The following PSMA2 variants were observed in gnomAD, a reference collection of about 807,000 sequenced individuals.
PSMA2 encodes proteasome 20S subunit alpha 2.
A neutral mutation model predicts 35.9 loss-of-function variants in PSMA2; 2 were observed. That is an observed-to-expected ratio of 0.06 (90% CI 0.02 to 0.18). The LOEUF (loss-of-function observed/expected upper bound fraction) is 0.18, where lower values mean the gene tolerates loss of function less well. Among genes scored for constraint, PSMA2 ranks in the 10% least tolerant of loss-of-function variants. The pLI is 1.00. For synonymous variants in PSMA2, 97 were observed against 98.2 expected (o/e 0.99, Z 0.07); for missense variants, 126 against 278.8 (o/e 0.45, Z 3.90).
Position 42,930,744 on chromosome 7 carries a change from T to C in PSMA2, c.41+1374A>G, listed in dbSNP as rs368385186. Among the ~76,000 whole-genome samples, 36 of 150,978 alleles carry C rather than the reference T, an allele frequency of 2.4e-4. 3 individuals carry two copies. Among genetic ancestry groups the C allele is most frequent in the Admixed American group, 1.8e-3 (28 of 15,144 alleles). ...TAGCAGGCAGGGTGGTGCACACCTC[T>C]AGTCCCAGCTACTCCAGAGACTGAG... is the stretch of plus-strand genomic sequence containing the variant. On this transcript the variant is annotated intron_variant, in intron 1 of 7. Coordinates refer to ENST00000223321, the MANE Select transcript of PSMA2 (RefSeq NM_002787.5).
At chr7:42,928,201 C>T (rs1269727039) in intron 1 of PSMA2, among the ~76,000 whole-genome samples, 1 of 152,180 alleles carries the variant, frequency 6.6e-6, no homozygotes, top group Admixed American at 6.5e-5. Flanking sequence ...CCGTCCCCTA[C>T]AAGTGTCCTG....
At position 42,917,422 on chromosome 7, in the gene PSMA2, A is replaced by T; in HGVS notation, c.*152T>A. The T allele has an allele frequency of 1.7e-6, 1 of 589,060 alleles. No individual in the cohort carries two copies. The highest frequency in any genetic ancestry group is 2.9e-6 in the Non-Finnish European group (1 of 341,172). 36.5% of individuals were successfully genotyped at this position (589,060 alleles called of 1,614,324 possible). On this transcript the variant is annotated 3_prime_UTR_variant, in exon 8 of 8. Coordinates refer to ENST00000223321, the MANE Select transcript of PSMA2 (RefSeq NM_002787.5). ...TAAAAGGCTGGAAGGTGGGTTTAAC[A>T]GTTTATTAGGATTTATAAGTGTCAT... is the stretch of plus-strand genomic sequence containing the variant.
chr7:42,921,019 C>A (rs591875), intron 6 of PSMA2: 128,869 of 152,090 alleles, frequency 0.85, 54,782 homozygotes, highest in South Asian at 0.91. Context: ...GGAAGAAGAA[C>A]TGAAGGAAGT....
At chr7:42,932,074 A>G in intron 1 of PSMA2, 44 bp downstream of exon 1, 1 of 1,613,074 alleles carries the variant, frequency 6.2e-7, no homozygotes, top group Non-Finnish European at 8.5e-7. Flanking sequence ...ACAGAGTACC[A>G]GCAACCTCGA....
At chr7:42,923,242 T>G in intron 5 of PSMA2, 83 bp downstream of exon 5, 1 of 1,059,354 alleles carries the variant, frequency 9.4e-7, no homozygotes, top group East Asian at 2.4e-5. Context: ...TGCTAAATTG[T>G]AAAGTTTTTA....
At chr7:42,922,635 T>C (rs759154505) in intron 5 of PSMA2, among the ~76,000 whole-genome samples, 3 of 152,224 alleles carry the variant, frequency 2.0e-5, no homozygotes, top group Admixed American at 6.5e-5. Flanking sequence ...CTTATTTTTC[T>C]GATTTAATTA....
At chr7:42,923,953 T>C (rs1786165253) in intron 4 of PSMA2, among the ~76,000 whole-genome samples, 1 of 152,204 alleles carries the variant, frequency 6.6e-6, no homozygotes, top group Admixed American at 6.5e-5. Flanking sequence ...ACTACCTATA[T>C]GCTATCTCAT....
At chr7:42,918,056 G>C in intron 6 of PSMA2, 1 of 307,392 alleles carries the variant, frequency 3.3e-6, no homozygotes. Context: ...ACCCTAAAAT[G>C]AGTTTAGTTT....
chr7:42,924,353 C>CAAA (rs58198756), intron 4 of PSMA2, among the ~76,000 whole-genome samples: 7 of 69,420 alleles, frequency 1.0e-4, no homozygotes, highest in African/African-American at 3.7e-4. Context: ...GACTCTGACT[C>CAAA]AAAAAAAAAA....
chr7:42,917,748 A>G (rs778891074), intron 7 of PSMA2, 30 bp downstream of exon 7: 4 of 1,611,092 alleles, frequency 2.5e-6, no homozygotes, highest in South Asian at 1.1e-5. Flanking sequence ...TGAAATCATT[A>G]TAAATCCAGT....
chr7:42,926,511 A>C, intron 3 of PSMA2, 25 bp downstream of exon 3: 1 of 1,546,366 alleles, frequency 6.5e-7, no homozygotes, highest in Non-Finnish European at 8.7e-7. Context: ...AGATGGTGAG[A>C]AACACTATAA....
intron 1 of PSMA2, 122 bp downstream of exon 1, chr7:42,931,996 C>T (rs1036743976): frequency 9.1e-6 from 12 of 1,320,404 alleles, no homozygotes; most frequent in Non-Finnish European, 1.3e-5. Context: ...GCCGCATTTC[C>T]AACTCCATTC....
At chr7:42,924,577 T>C (rs1256318596) in intron 4 of PSMA2, 98 bp downstream of exon 4, 23 of 1,216,334 alleles carry the variant, frequency 1.9e-5, no homozygotes, top group Non-Finnish European at 2.4e-5. Flanking sequence ...GTTAAGCAAA[T>C]ACAGAAATGG....
chr7:42,919,851 T>G (rs1786098660), intron 6 of PSMA2: 2 of 747,068 alleles, frequency 2.7e-6, no homozygotes, highest in Non-Finnish European at 5.0e-6. Flanking sequence ...TCCTATTCAC[T>G]GTGTGAGATT....
At chr7:42,922,351 T>C (rs1234351227) in intron 5 of PSMA2, among the ~76,000 whole-genome samples, 1 of 152,152 alleles carries the variant, frequency 6.6e-6, no homozygotes, top group African/African-American at 2.4e-5. Flanking sequence ...ATCTATCATA[T>C]AAATCTGAAA....
chr7:42,926,767 C>T, intron 2 of PSMA2, 99 bp from the exon 3 acceptor site: 1 of 1,281,252 alleles, frequency 7.8e-7, no homozygotes, highest in Non-Finnish European at 1.0e-6. Context: ...TCCTTTATTT[C>T]CTTTAATTTA....
At chr7:42,925,694 T>G (rs1786201564) in intron 3 of PSMA2, among the ~76,000 whole-genome samples, 1 of 152,238 alleles carries the variant, frequency 6.6e-6, no homozygotes, top group South Asian at 2.1e-4. Flanking sequence ...CCAGCTCATA[T>G]ACTACTGATC....
Position 42,924,817 on chromosome 7 carries a change from A to G in PSMA2, c.252-20T>C. 1 of 1,600,580 alleles carries G rather than the reference A, an allele frequency of 6.2e-7. No individual in the cohort carries two copies. ...AGCACTCTAACAAGGAAAAAATAAG[A>G]TTTAATTACACAGAACATGCTCTAC... On this transcript the variant is annotated intron_variant, in intron 3 of 7. Coordinates refer to ENST00000223321, the MANE Select transcript of PSMA2 (RefSeq NM_002787.5).
intron 4 of PSMA2, among the ~76,000 whole-genome samples, chr7:42,923,753 GT>G (rs2128674090): frequency 6.6e-6 from 1 of 152,166 alleles, no homozygotes; most frequent in Non-Finnish European, 1.5e-5. Context: ...ACAACTTTCA[GT>G]TAATGCAGCT....
Sources: gnomAD v4.1 joint callset for allele counts (sites outside exome capture counted in the v4.1 genomes callset) on GRCh38, gnomAD v4.1.1 for gene constraint, MANE v1.5 for transcripts, NCBI Gene and HGNC (gene_info 2026-07-23, HGNC 2026-07-21) for gene names.